The following B3GAT2 variants were observed in gnomAD, a reference collection of about 807,000 sequenced individuals.
The protein encoded by B3GAT2 is beta-1,3-glucuronyltransferase 2, also known as galactosylgalactosylxylosylprotein 3-beta-glucuronosyltransferase 2.
In B3GAT2, 26 loss-of-function variants were observed where a neutral mutation model predicts 27.8. The ratio of observed to expected loss-of-function variants is 0.93; its 90% CI spans 0.68 to 1.30. B3GAT2 has a LOEUF of 1.30. Ranked by LOEUF, B3GAT2 falls within the 50% of genes most tolerant of loss-of-function variation. B3GAT2 has a pLI of 0.00. For missense variants in B3GAT2, 458 were observed against 459.0 expected (o/e 1.00, Z 0.02); for synonymous variants, 218 against 195.1 (o/e 1.12, Z -0.98).
chr6:70,859,208 G>A lies in B3GAT2; in HGVS notation c.*2455C>T. 1 of 619,514 alleles carries A rather than the reference G, an allele frequency of 1.6e-6. No individual in the cohort carries two copies. The highest frequency in any genetic ancestry group is 2.8e-6 in the Non-Finnish European group (1 of 363,024). 38.4% of individuals were successfully genotyped at this position (619,514 alleles called of 1,614,324 possible). A position where few individuals can be genotyped will look rare whatever the true frequency, so the allele number is the denominator to read the frequency against. On this transcript the variant is annotated 3_prime_UTR_variant, in exon 4 of 4. Transcript: ENST00000230053. Reference sequence around the variant, plus strand: ...GTAAAACATTGGTCTCTACCCGCTGGGAATCTAAAAAATTGTATGTGCTAA... The same window carrying A: ...GTAAAACATTGGTCTCTACCCGCTGAGAATCTAAAAAATTGTATGTGCTAA...
chr6:70,858,178 G>GAGTA lies in B3GAT2; in HGVS notation c.*3481_*3484dup, dbSNP rs774884163. 1 of 1,613,130 alleles carries GAGTA rather than the reference G, an allele frequency of 6.2e-7. No individual in the cohort carries two copies. The highest frequency in any genetic ancestry group is 8.5e-7 in the Non-Finnish European group (1 of 1,179,666). On this transcript the variant is annotated 3_prime_UTR_variant, in exon 4 of 4. Transcript: ENST00000230053. ...TGGTGGGACAAATGGGTGCACCCCA[G>GAGTA]AGTAAGTTTGGCCTGCCGCAAGCTC...
chr6:70,916,237 T>C (rs1772771031), intron 1 of B3GAT2, among the ~76,000 whole-genome samples: 1 of 152,194 alleles, frequency 6.6e-6, no homozygotes, highest in Admixed American at 6.5e-5. Flanking sequence ...TTGTGATTTT[T>C]GTACATTGAT....
intron 1 of B3GAT2, among the ~76,000 whole-genome samples, chr6:70,915,791 T>C (rs1057043739): frequency 1.3e-5 from 2 of 152,188 alleles, no homozygotes; most frequent in Non-Finnish European, 2.9e-5. Context: ...TAACATGCTG[T>C]TTTGGTTACT....
intron 1 of B3GAT2, among the ~76,000 whole-genome samples, chr6:70,937,595 A>C (rs1270988785): frequency 2.0e-5 from 3 of 151,988 alleles, no homozygotes; most frequent in Non-Finnish European, 2.9e-5. Flanking sequence ...AGGCTGGTTC[A>C]ATATATGCAA....
chr6:70,888,426 G>T (rs915449059), intron 2 of B3GAT2, among the ~76,000 whole-genome samples: 3 of 152,038 alleles, frequency 2.0e-5, no homozygotes, highest in Non-Finnish European at 4.4e-5. Flanking sequence ...AACAGAAAAA[G>T]GTGTTAAAAA....
chr6:70,857,881 G>T lies in B3GAT2; in HGVS notation c.*3782C>A. 3 of 1,595,746 alleles carry T rather than the reference G, an allele frequency of 1.9e-6. No individual in the cohort carries two copies. The highest frequency in any genetic ancestry group is 2.6e-6 in the Non-Finnish European group (3 of 1,169,902). On this transcript the variant is annotated 3_prime_UTR_variant, in exon 4 of 4. Coordinates refer to ENST00000230053, the MANE Select transcript of B3GAT2 (RefSeq NM_080742.3). ...ATTATAGAGATGAGTGCAACTACAC[G>T]TGATAGCTCTGTCTTCATTCATTTT...
chr6:70,945,647 G>A (rs890402825), intron 1 of B3GAT2, among the ~76,000 whole-genome samples: 6 of 148,980 alleles, frequency 4.0e-5, no homozygotes, highest in African/African-American at 7.4e-5. Context: ...GAAAACACTC[G>A]GCACGATATT....
intron 1 of B3GAT2, among the ~76,000 whole-genome samples, chr6:70,930,214 T>C (rs950867216): frequency 2.6e-5 from 4 of 152,146 alleles, no homozygotes; most frequent in African/African-American, 9.7e-5. Context: ...AAGACTTAAA[T>C]GTAAGACCTA....
At chr6:70,925,207 GT>G (rs1334027288) in intron 1 of B3GAT2, among the ~76,000 whole-genome samples, 1 of 152,252 alleles carries the variant, frequency 6.6e-6, no homozygotes, top group Non-Finnish European at 1.5e-5. Context: ...AACAGCTCTA[GT>G]CTACAGCTCA....
chr6:70,864,806 T>G (rs1434091950), intron 2 of B3GAT2, among the ~76,000 whole-genome samples: 2 of 152,188 alleles, frequency 1.3e-5, no homozygotes, highest in Non-Finnish European at 2.9e-5. Flanking sequence ...CTTGGGTAAT[T>G]CCAAGTATTT....
At chr6:70,931,693 A>G (rs1487383432) in intron 1 of B3GAT2, among the ~76,000 whole-genome samples, 1 of 152,232 alleles carries the variant, frequency 6.6e-6, no homozygotes, top group African/African-American at 2.4e-5. Context: ...CAAAAGAGCT[A>G]AAACTACACA....
At position 70,926,082 on chromosome 6, in the gene B3GAT2, C is replaced by T. The variant is rs374290815; in HGVS notation, c.591+29757G>A. Among the ~76,000 whole-genome samples, 10 of 152,290 alleles carry T rather than the reference C, an allele frequency of 6.6e-5. No individual in the cohort carries two copies. The East Asian group carries it at 1.3e-3, about 21-fold the overall frequency. On this transcript the variant is annotated intron_variant, in intron 1 of 3. Transcript: ENST00000230053. ...TCCAAAAGACCTGCAGCTGAGGGTCCTGAATGTTAGAAGGAAAACTAACAA... is the reference window on the plus strand; with the variant it reads ...TCCAAAAGACCTGCAGCTGAGGGTCTTGAATGTTAGAAGGAAAACTAACAA...
intron 1 of B3GAT2, among the ~76,000 whole-genome samples, chr6:70,950,752 C>T (rs970556240): frequency 8.6e-5 from 13 of 151,286 alleles, no homozygotes; most frequent in East Asian, 1.9e-4. Context: ...ATTAAAACAG[C>T]AAACAAACAG....
intron 1 of B3GAT2, among the ~76,000 whole-genome samples, chr6:70,928,114 T>C (rs1048664817): frequency 6.6e-6 from 1 of 152,076 alleles, no homozygotes; most frequent in South Asian, 2.1e-4. Flanking sequence ...AAGGCAGAAA[T>C]AAAGATGTTC....
intron 2 of B3GAT2, among the ~76,000 whole-genome samples, chr6:70,892,152 T>C (rs1772300305): frequency 6.6e-6 from 1 of 152,200 alleles, no homozygotes; most frequent in African/African-American, 2.4e-5. Context: ...CTTATTATGA[T>C]GGGTGTTTTT....
intron 1 of B3GAT2, among the ~76,000 whole-genome samples, chr6:70,903,403 C>T (rs937680825): frequency 6.6e-6 from 1 of 152,016 alleles, no homozygotes; most frequent in Non-Finnish European, 1.5e-5. Flanking sequence ...CCAAAAGATA[C>T]TATTAGGAAA....
chr6:70,899,770 G>T (rs1372524833), intron 1 of B3GAT2, among the ~76,000 whole-genome samples: 1 of 152,088 alleles, frequency 6.6e-6, no homozygotes. Flanking sequence ...TCTGTCCTTT[G>T]TTCTGTGTCA....
intron 1 of B3GAT2, among the ~76,000 whole-genome samples, chr6:70,939,740 G>T (rs1250221116): frequency 1.4e-5 from 2 of 139,702 alleles, no homozygotes; most frequent in Middle Eastern, 3.4e-3. Flanking sequence ...TCTGGGGACT[G>T]TTGTGGGGTG....
chr6:70,939,815 A>G (rs987299965), intron 1 of B3GAT2, among the ~76,000 whole-genome samples: 2 of 152,088 alleles, frequency 1.3e-5, no homozygotes, highest in African/African-American at 4.8e-5. Flanking sequence ...TAATGGGTGC[A>G]GCACACCAGC....
Sources: gnomAD v4.1 joint callset for allele counts (sites outside exome capture counted in the v4.1 genomes callset) on GRCh38, gnomAD v4.1.1 for gene constraint, MANE v1.5 for transcripts, NCBI Gene and HGNC (gene_info 2026-07-23, HGNC 2026-07-21) for gene names.